The following FHL2 variants were observed in gnomAD, a reference collection of about 807,000 sequenced individuals.
FHL2 encodes four and a half LIM domains protein 2.
A neutral mutation model predicts 32.7 loss-of-function variants in FHL2; 20 were observed. The observed-to-expected ratio is 0.61, with a 90% CI of 0.43 to 0.89. The LOEUF (loss-of-function observed/expected upper bound fraction) is 0.89, where lower values mean the gene tolerates loss of function less well. Ranked by LOEUF, FHL2 falls within the 40% of genes least tolerant of loss-of-function variation. The pLI is 0.00. For missense variants in FHL2, 311 were observed against 358.6 expected (o/e 0.87, Z 1.07); for synonymous variants, 123 against 128.1 (o/e 0.96, Z 0.27).
intron 3 of FHL2, among the ~76,000 whole-genome samples, chr2:105,380,033 T>G (rs562033637): frequency 6.6e-6 from 1 of 152,312 alleles, no homozygotes; most frequent in African/African-American, 2.4e-5. Context: ...GTTAATAAAT[T>G]CATGTCACTG....
intron 2 of FHL2, among the ~76,000 whole-genome samples, chr2:105,396,296 AC>A (rs984160531): frequency 9.2e-5 from 14 of 152,232 alleles, no homozygotes; most frequent in African/African-American, 3.1e-4. Context: ...GACTCTATAG[AC>A]CCAAGAAGAG....
chr2:105,377,870 T>A, intron 3 of FHL2: 1 of 363,694 alleles, frequency 2.7e-6, no homozygotes, highest in East Asian at 7.4e-5. Context: ...GGGAAGATAG[T>A]TGCTTTTTAC....
At chr2:105,395,755 C>G (rs1440992866) in intron 2 of FHL2, among the ~76,000 whole-genome samples, 2 of 152,216 alleles carry the variant, frequency 1.3e-5, no homozygotes, top group African/African-American at 2.4e-5. Flanking sequence ...ATTCTGTTCA[C>G]CCATGAAAAC....
upstream of FHL2, among the ~76,000 whole-genome samples, chr2:105,401,371 A>G (rs1280386094): frequency 2.0e-5 from 3 of 152,338 alleles, no homozygotes; most frequent in Middle Eastern, 3.4e-3. Context: ...AAATACTATC[A>G]GCCATGGATT....
chr2:105,422,019 G>A (rs948314655), intron 1 of FHL2, among the ~76,000 whole-genome samples: 2 of 152,210 alleles, frequency 1.3e-5, no homozygotes, highest in Admixed American at 6.5e-5. Context: ...CATTGGCAGC[G>A]TAGCTCAGAG....
intron 1 of FHL2, 150 bp downstream of exon 1, chr2:105,398,692 G>A (rs535932049): frequency 5.2e-6 from 2 of 382,104 alleles, no homozygotes; most frequent in South Asian, 1.3e-4. Context: ...CCCTCTCCCC[G>A]TGGTCTCCCC....
At chr2:105,420,569 A>G (rs535401595) in intron 1 of FHL2, among the ~76,000 whole-genome samples, 127 of 152,298 alleles carry the variant, frequency 8.3e-4, no homozygotes, top group Non-Finnish European at 1.5e-3. Context: ...TAGTAACATG[A>G]GGAAGAATCT....
intron 1 of FHL2, among the ~76,000 whole-genome samples, chr2:105,419,615 A>G (rs1287566581): frequency 6.6e-6 from 1 of 152,198 alleles, no homozygotes; most frequent in African/African-American, 2.4e-5. Context: ...AGGTTCCCCT[A>G]TATGTGTACT....
At chr2:105,399,240 C>T, upstream of FHL2, 1 of 1,535,042 alleles carries the variant, frequency 6.5e-7, no homozygotes. Flanking sequence ...TGCCAGGGCT[C>T]CTTTCTTCGT....
chr2:105,405,953 T>G (rs1178655314), intron 1 of FHL2, among the ~76,000 whole-genome samples: 3 of 152,378 alleles, frequency 2.0e-5, no homozygotes, highest in Non-Finnish European at 4.4e-5. Context: ...CAAGCCACTT[T>G]TATGGCTAAT....
chr2:105,391,013 A>G (rs1573356144), intron 2 of FHL2, among the ~76,000 whole-genome samples: 1 of 149,028 alleles, frequency 6.7e-6, no homozygotes, highest in African/African-American at 2.5e-5. Context: ...TTTTTTTTTT[A>G]GTAGAGACGG....
chr2:105,413,555 C>A (rs1406935301), intron 1 of FHL2, among the ~76,000 whole-genome samples: 1 of 152,068 alleles, frequency 6.6e-6, no homozygotes, highest in Non-Finnish European at 1.5e-5. Context: ...CTCACTATAA[C>A]CTCAAGTTCC....
chr2:105,437,847 T>C lies in FHL2; in HGVS notation c.-25+552A>G, dbSNP rs1327809443. On this transcript the variant is annotated intron_variant, in intron 1 of 5. Coordinates refer to the FHL2 transcript ENST00000393352. ...TCCTTTTTAAAGCATGCAATAGCTC[T>C]CTGGGCTTTCAAACCATCAGCTGCG... Among the ~76,000 whole-genome samples, 4 of 152,188 alleles carry C rather than the reference T, an allele frequency of 2.6e-5. No homozygotes were observed. In the East Asian group the frequency reaches 7.7e-4, roughly 29 times the overall value.
At chr2:105,416,532 G>T (rs1683943963) in intron 1 of FHL2, among the ~76,000 whole-genome samples, 1 of 152,220 alleles carries the variant, frequency 6.6e-6, no homozygotes, top group African/African-American at 2.4e-5. Context: ...ACTGCTTAAA[G>T]ATTGCAATGT....
chr2:105,386,543 A>G lies in FHL2; in HGVS notation c.-24-3T>C, dbSNP rs747796839. On this transcript the variant is annotated splice_region_variant and splice_polypyrimidine_tract_variant and intron_variant, in intron 2 of 6. Coordinates refer to ENST00000530340, the MANE Select transcript of FHL2 (RefSeq NM_001318895.3). ...TTGACTCCTGGCTTTTCAGCAACCT[A>G]TCAAAAAGAAAAGAAAATCCAAGTC... 4 of 1,613,742 alleles carry G rather than the reference A, an allele frequency of 2.5e-6. No individual in the cohort carries two copies. Among genetic ancestry groups the G allele is most frequent in the African/African-American group, 1.3e-5 (1 of 74,900 alleles).
At chr2:105,359,439 C>T (rs1680133169), downstream of FHL2, 1 of 152,208 alleles carries the variant, frequency 6.6e-6, no homozygotes, top group Non-Finnish European at 1.5e-5. Context: ...GACTAACACT[C>T]AGATTAAGAA....
At chr2:105,400,686 A>ATTTTTTTTTTTTTT (rs57296524), upstream of FHL2, among the ~76,000 whole-genome samples, 3 of 132,802 alleles carry the variant, frequency 2.3e-5, no homozygotes, top group African/African-American at 5.7e-5. Flanking sequence ...TTATATTTTA[A>ATTTTTTTTTTTTTT]TTTTTTTTTT....
chr2:105,377,928 G>A, intron 3 of FHL2: 1 of 404,040 alleles, frequency 2.5e-6, no homozygotes, highest in Admixed American at 3.0e-5. Flanking sequence ...CAGAGGGGTG[G>A]CAAGTTATCA....
chr2:105,386,756 CTTTTTTTTTTTTTT>C (rs11380471), intron 2 of FHL2, among the ~76,000 whole-genome samples: 1 of 48,924 alleles, frequency 2.0e-5, no homozygotes, highest in Middle Eastern at 0.023. Flanking sequence ...ATGCATTCCA[CTTTTTTTTTTTTTT>C]TTTTTTTTTT....
Sources: allele counts gnomAD v4.1 joint callset (sites outside exome capture counted in the v4.1 genomes callset), GRCh38; gene constraint gnomAD v4.1.1; transcripts MANE v1.5; gene names NCBI Gene and HGNC (gene_info 2026-07-23, HGNC 2026-07-21).